Variants in PDE4B observed in about 807,000 individuals in gnomAD.
The protein encoded by PDE4B is 3',5'-cyclic-AMP phosphodiesterase 4B.
In PDE4B, 20 loss-of-function variants were observed where a neutral mutation model predicts 82.2. The observed-to-expected ratio is 0.24, with a 90% CI of 0.17 to 0.35. PDE4B has a LOEUF of 0.35. PDE4B is among the 10% of genes least tolerant of loss of function. The pLI is 1.00. For synonymous variants in PDE4B, 320 were observed against 318.9 expected (o/e 1.00, Z -0.04); for missense variants, 655 against 907.2 (o/e 0.72, Z 3.57).
At chr1:65,883,781 T>C (rs1450871995) in intron 1 of PDE4B, among the ~76,000 whole-genome samples, 3 of 152,198 alleles carry the variant, frequency 2.0e-5, no homozygotes, top group African/African-American at 7.2e-5. Context: ...CAGTATGATA[T>C]TGGCTGTGGG....
intron 3 of PDE4B, among the ~76,000 whole-genome samples, chr1:66,032,480 C>G (rs950745917): frequency 6.6e-6 from 1 of 152,096 alleles, no homozygotes; most frequent in African/African-American, 2.4e-5. Flanking sequence ...AGATGCTGCA[C>G]TGGTGAAAAT....
At chr1:66,144,751 C>T (rs1031790774) in intron 3 of PDE4B, among the ~76,000 whole-genome samples, 8 of 152,212 alleles carry the variant, frequency 5.3e-5, no homozygotes, top group East Asian at 3.9e-4. Context: ...ATTAGTGCTG[C>T]GGAATAAAAG....
chr1:66,037,297 A>G (rs779186449), intron 3 of PDE4B, among the ~76,000 whole-genome samples: 1 of 151,978 alleles, frequency 6.6e-6, no homozygotes, highest in African/African-American at 2.4e-5. Context: ...TTTGTCATCA[A>G]TGTTTTATAG....
rs1026188524 is a variant in PDE4B, at chr1:65,797,245, C to A, written c.-71+3997C>A. ...CTGGGATTACAGGTGTGAGCCACTG[C>A]GCCCGGCCAACATTTTTAGAATAAA... On this transcript the variant is annotated intron_variant, in intron 1 of 16. Coordinates refer to ENST00000341517, the MANE Select transcript of PDE4B (RefSeq NM_002600.4). Among the ~76,000 whole-genome samples the A allele has an allele frequency of 1.5e-4, 23 of 152,274 alleles. No individual in the cohort carries two copies. The South Asian group carries it at 1.7e-3, about 11-fold the overall frequency.
intron 3 of PDE4B, among the ~76,000 whole-genome samples, chr1:66,048,362 T>C (rs912158888): frequency 1.3e-5 from 2 of 152,002 alleles, no homozygotes; most frequent in African/African-American, 4.8e-5. Context: ...TAATCTTTTC[T>C]TGCAGTCAAT....
chr1:65,885,866 TAATAA>T (rs1205197216), intron 1 of PDE4B, among the ~76,000 whole-genome samples: 1 of 146,138 alleles, frequency 6.8e-6, no homozygotes, highest in African/African-American at 2.5e-5. Context: ...ATAATAATAA[TAATAA>T]TAATAATAAT....
chr1:65,890,926 G>C (rs1454439907), intron 1 of PDE4B, among the ~76,000 whole-genome samples: 1 of 152,000 alleles, frequency 6.6e-6, no homozygotes, highest in Non-Finnish European at 1.5e-5. Flanking sequence ...TCTGGGGTGA[G>C]ACTGCCTGGA....
intron 3 of PDE4B, among the ~76,000 whole-genome samples, chr1:66,080,416 T>C (rs1489365272): frequency 6.6e-6 from 1 of 152,130 alleles, no homozygotes; most frequent in East Asian, 1.9e-4. Flanking sequence ...GCTTTATAAC[T>C]TGAATTGTAG....
At chr1:65,887,255 C>CTT (rs1265722433) in intron 1 of PDE4B, among the ~76,000 whole-genome samples, 3 of 39,256 alleles carry the variant, frequency 7.6e-5, no homozygotes, top group African/African-American at 3.2e-4. Flanking sequence ...TCTTTTCTTT[C>CTT]TTTCTTTCCT....
chr1:65,924,624 G>T (rs74920120), intron 3 of PDE4B, among the ~76,000 whole-genome samples: 8,481 of 152,192 alleles, frequency 0.056, 313 homozygotes, highest in Middle Eastern at 0.18. Context: ...GCTTAGCTGT[G>T]TGCCTCTGAC....
rs536338598 is a variant in PDE4B at position 66,254,693 on chromosome 1, G to A, written c.477-2954G>A. Among the ~76,000 whole-genome samples the A allele has an allele frequency of 1.1e-4, 16 of 152,158 alleles. No individual in the cohort carries two copies. The South Asian group carries it at 2.7e-3, about 26-fold the overall frequency. On this transcript the variant is annotated intron_variant, in intron 4 of 16. Coordinates refer to ENST00000341517, the MANE Select transcript of PDE4B (RefSeq NM_002600.4). ...TCCTCATTTCCTTATTTCTACTCAC[G>A]GCTTCACTGTTTTCTCAGATATCCA...
At chr1:65,983,682 C>A (rs1231507290) in intron 3 of PDE4B, among the ~76,000 whole-genome samples, 1 of 152,190 alleles carries the variant, frequency 6.6e-6, no homozygotes, top group Admixed American at 6.5e-5. Flanking sequence ...TCCCTCACAA[C>A]CCTCAGAGGA....
At chr1:66,051,801 G>A (rs1229627689) in intron 3 of PDE4B, among the ~76,000 whole-genome samples, 1 of 152,126 alleles carries the variant, frequency 6.6e-6, no homozygotes, top group African/African-American at 2.4e-5. Context: ...TTCTGGAAAT[G>A]TTTACTTATA....
intron 1 of PDE4B, among the ~76,000 whole-genome samples, chr1:65,794,876 C>T (rs4418570): frequency 0.045 from 6,865 of 152,256 alleles, 358 homozygotes; most frequent in East Asian, 0.12. Flanking sequence ...AACAATGTTG[C>T]AGTGTGTCTA....
rs145554487 is a variant in PDE4B, at chr1:66,143,244, G to C, written c.282-104216G>C. The stretch of plus-strand genomic sequence containing the variant: ...GTTCATTCACAACTAACTGTATTAT[G>C]AGCCATTTATACACCAAAATGCAGA... On this transcript the variant is annotated intron_variant, in intron 3 of 16. Coordinates refer to ENST00000341517, the MANE Select transcript of PDE4B (RefSeq NM_002600.4). Among the ~76,000 whole-genome samples the C allele has an allele frequency of 8.3e-3, 1,270 of 152,316 alleles. 28 individuals carry two copies. The highest frequency in any genetic ancestry group is 0.029 in the African/African-American group (1,186 of 41,584).
chr1:66,154,446 A>G (rs1646462489), intron 3 of PDE4B, among the ~76,000 whole-genome samples: 1 of 152,214 alleles, frequency 6.6e-6, no homozygotes, highest in Non-Finnish European at 1.5e-5. Flanking sequence ...GGCAAAGAGA[A>G]GAGAAGAGAG....
chr1:65,986,256 A>G (rs1297914387), intron 3 of PDE4B, among the ~76,000 whole-genome samples: 1 of 152,240 alleles, frequency 6.6e-6, no homozygotes, highest in African/African-American at 2.4e-5. Context: ...CTCATAGATT[A>G]GGCCAGGAGA....
intron 3 of PDE4B, among the ~76,000 whole-genome samples, chr1:65,959,019 T>C (rs1649414235): frequency 6.6e-6 from 1 of 152,232 alleles, no homozygotes; most frequent in African/African-American, 2.4e-5. Context: ...TCTTTTGTTT[T>C]ATTTTCCAAC....
chr1:66,000,546 C>T (rs1049643058), intron 3 of PDE4B, among the ~76,000 whole-genome samples: 4 of 152,098 alleles, frequency 2.6e-5, no homozygotes, highest in African/African-American at 7.2e-5. Flanking sequence ...AGGTTGGGGA[C>T]CTCTGTCACT....
Sources: allele counts gnomAD v4.1 joint callset (sites outside exome capture counted in the v4.1 genomes callset), GRCh38; gene constraint gnomAD v4.1.1; transcripts MANE v1.5; gene names NCBI Gene and HGNC (gene_info 2026-07-23, HGNC 2026-07-21).